LRRC56: variants seen among roughly 807,000 people sequenced by gnomAD.
LRRC56 encodes leucine rich repeat containing 56.
A neutral mutation model predicts 47.8 loss-of-function variants in LRRC56; 41 were observed. The observed-to-expected ratio is 0.86, with a 90% confidence interval of 0.67 to 1.11. LRRC56 has a LOEUF of 1.11. Ranked by LOEUF, LRRC56 falls within the 50% of genes most tolerant of loss-of-function variation. The pLI, the probability that LRRC56 is intolerant of heterozygous loss-of-function variation, is 0.00. For synonymous variants in LRRC56, 387 were observed against 311.2 expected (o/e 1.24, Z -2.56); for missense variants, 759 against 704.2 (o/e 1.08, Z -0.88).
chr11:513,665 A>C, the LRRC56 span, among the ~76,000 whole-genome samples: 1 of 152,048 alleles, frequency 6.6e-6, no homozygotes, highest in Non-Finnish European at 1.5e-5. Flanking sequence ...TTGTGAAAGG[A>C]AGAAGCTCAA....
the LRRC56 span, among the ~76,000 whole-genome samples, chr11:527,500 G>A: frequency 6.6e-6 from 1 of 152,072 alleles, no homozygotes; most frequent in Non-Finnish European, 1.5e-5. Flanking sequence ...AGAGAGTCAT[G>A]CACTTGGCAA....
At chr11:538,179 C>G (rs1417970954) in intron 1 of LRRC56, among the ~76,000 whole-genome samples, 1 of 152,174 alleles carries the variant, frequency 6.6e-6, no homozygotes, top group Non-Finnish European at 1.5e-5. Flanking sequence ...CCTCCAACCC[C>G]TTGCACCCCC....
Position 540,782 on chromosome 11 carries a change from C to G in LRRC56, c.98C>G (p.Pro33Arg), listed in dbSNP as rs773744894. The G allele has an allele frequency of 2.3e-5, 37 of 1,609,058 alleles. No individual in the cohort carries two copies. Among genetic ancestry groups the G allele is most frequent in the Non-Finnish European group, 3.1e-5 (36 of 1,178,508 alleles). ...TGGCAAGGCCTGCACAACCCCTGCC[C>G]ACAGAGCAAGGGCCCTGGCAGTCAG... ...LSWQGLHNPC[P>R]QSKGPGSQRD... Residue 33 changes from proline to arginine, a missense_variant, in exon 4 of 14, where the codon CCA (proline) becomes CGA (arginine). Coordinates refer to ENST00000270115, the MANE Select transcript of LRRC56 (RefSeq NM_198075.4).
In LRRC56 at chr11:551,377, C is replaced by T. The variant is rs1210858652; in HGVS notation, c.796+75C>T. 7.8e-6 allele frequency: 8 copies of T among 1,023,012 alleles called. No individual in the cohort carries two copies. In the African/African-American group the frequency reaches 1.1e-4, roughly 14 times the overall value. The allele number at this position is 1,023,012 out of a possible 1,614,324, so 63.4% of individuals were successfully genotyped here. A position where few individuals can be genotyped will look rare whatever the true frequency, so the allele number is the denominator to read the frequency against. On this transcript the variant is annotated intron_variant, in intron 9 of 13. Transcript: ENST00000270115. ...AGGAAGAGGCCCCCACCCCAGGCTT[C>T]TCAGAAACGGATAGCCACATCTCAT... is the stretch of plus-strand genomic sequence containing the variant.
chr11:508,150 C>T, the LRRC56 span, among the ~76,000 whole-genome samples: 7 of 152,232 alleles, frequency 4.6e-5, no homozygotes, highest in Non-Finnish European at 1.0e-4. Context: ...TGCTAAACCT[C>T]TCCTCTGACT....
chr11:527,764 G>A, the LRRC56 span, among the ~76,000 whole-genome samples: 12 of 142,536 alleles, frequency 8.4e-5, no homozygotes, highest in Admixed American at 7.2e-4. Flanking sequence ...GCAATTCCGC[G>A]ATCTCGGCTC....
Position 541,470 on chromosome 11 carries a change from A to G in LRRC56, c.178-67A>G. The stretch of plus-strand genomic sequence containing the variant: ...GCGGGAGCCCCAGAGTCCTGTAGCC[A>G]GAAGCAAGGATGGAACTAAAGTGGG... On this transcript the variant is annotated intron_variant, in intron 4 of 13. Transcript: ENST00000270115. This position sits in a 1 kb window ranked among gnomAD's most constrained non-coding sequence, Gnocchi z 4.1. 2 of 944,422 alleles carry G rather than the reference A, an allele frequency of 2.1e-6. No individual in the cohort carries two copies. Among genetic ancestry groups the G allele is most frequent in the Non-Finnish European group, 3.1e-6 (2 of 641,504 alleles). 58.5% of individuals were successfully genotyped at this position (944,422 alleles called of 1,614,324 possible). A position where few individuals can be genotyped will look rare whatever the true frequency, so the allele number is the denominator to read the frequency against.
Position 549,993 on chromosome 11 carries a change from C to T in LRRC56, c.418C>T (p.Leu140Phe). The stretch of plus-strand genomic sequence containing the variant: ...GGATGGCATCGCCTCTTTGCCAGCA[C>T]TTAAGGTGAGTCTGGGCACCCTGGG... ...DLDGIASLPA[L>F]KELYASYNNI... The change falls in exon 7 of 14, where the codon CTT becomes TTT. Residue 140 changes from leucine (L) to phenylalanine (F), a missense_variant. Leu to Phe is a conservative substitution (Grantham distance 22). Coordinates refer to ENST00000270115, the MANE Select transcript of LRRC56 (RefSeq NM_198075.4). 6.2e-7 allele frequency: 1 copy of T among 1,612,440 alleles called. No individual in the cohort carries two copies. The highest frequency in any genetic ancestry group is 8.5e-7 in the Non-Finnish European group (1 of 1,179,690).
chr11:524,581 A>T, the LRRC56 span, among the ~76,000 whole-genome samples: 1 of 152,104 alleles, frequency 6.6e-6, no homozygotes, highest in Non-Finnish European at 1.5e-5. Context: ...TAGTAAGCCG[A>T]GATTGCACCA....
chr11:524,492 A>T, the LRRC56 span, among the ~76,000 whole-genome samples: 11 of 152,044 alleles, frequency 7.2e-5, no homozygotes, highest in Admixed American at 1.3e-4. Flanking sequence ...TTAGTCAGGC[A>T]TGGTCGCAGG....
chr11:513,209 G>A, the LRRC56 span, among the ~76,000 whole-genome samples: 1 of 152,210 alleles, frequency 6.6e-6, no homozygotes, highest in East Asian at 1.9e-4. Flanking sequence ...AGGCTGGAGC[G>A]CAGTGGCGCA....
In LRRC56 at chr11:554,590, C is replaced by T; in HGVS notation, c.*314C>T. 1 of 410,670 alleles carries T rather than the reference C, an allele frequency of 2.4e-6. No individual in the cohort carries two copies. Among genetic ancestry groups the T allele is most frequent in the Non-Finnish European group, 4.3e-6 (1 of 231,148 alleles). The allele number at this position is 410,670 out of a possible 1,614,324, so 25.4% of individuals were successfully genotyped here. A position where few individuals can be genotyped will look rare whatever the true frequency, so the allele number is the denominator to read the frequency against. The stretch of plus-strand genomic sequence containing the variant: ...GTCACCCGAGCAGGCCTGTGAGAGG[C>T]CTCTCCTGCTAGAATTGGGCATGGC... On this transcript the variant is annotated 3_prime_UTR_variant, in exon 14 of 14. Coordinates refer to ENST00000270115, the MANE Select transcript of LRRC56 (RefSeq NM_198075.4).
the LRRC56 span, chr11:507,215 C>G: frequency 6.6e-6 from 1 of 152,188 alleles, no homozygotes; most frequent in African/African-American, 2.4e-5. Context: ...GACAACCCCA[C>G]CCGCCAGTCA....
At chr11:548,489 G>A (rs1271240461) in intron 6 of LRRC56, among the ~76,000 whole-genome samples, 2 of 148,836 alleles carry the variant, frequency 1.3e-5, no homozygotes, top group East Asian at 2.0e-4. Flanking sequence ...ACGGAGGCTC[G>A]CTCTGTCGTC....
At chr11:532,246 G>A in the LRRC56 span, 5 of 407,800 alleles carry the variant, frequency 1.2e-5, no homozygotes, top group African/African-American at 7.9e-5. Flanking sequence ...CCAAGATCAA[G>A]ACCATCCAAT....
In LRRC56 at chr11:554,394, G is replaced by A. The variant is rs1852640757; in HGVS notation, c.*118G>A. ...GGGGGTGGAAGGAGTGCCTGGCCCT[G>A]GGGAGGACCCTCTTGGTGGAGGGGA... is the stretch of plus-strand genomic sequence containing the variant. On this transcript the variant is annotated 3_prime_UTR_variant, in exon 14 of 14. Coordinates refer to ENST00000270115, the MANE Select transcript of LRRC56 (RefSeq NM_198075.4). 2 of 902,456 alleles carry A rather than the reference G, an allele frequency of 2.2e-6. No individual in the cohort carries two copies. The highest frequency in any genetic ancestry group is 3.2e-5 in the East Asian group (1 of 31,504). The allele number at this position is 902,456 out of a possible 1,614,324, so 55.9% of individuals were successfully genotyped here.
At chr11:507,527 G>T in the LRRC56 span, among the ~76,000 whole-genome samples, 1 of 152,164 alleles carries the variant, frequency 6.6e-6, no homozygotes, top group African/African-American at 2.4e-5. Flanking sequence ...GCACTGGCAC[G>T]CAAGTCTCAG....
intron 12 of LRRC56, 73 bp downstream of exon 12, chr11:552,305 C>T (rs1852443004): frequency 2.6e-6 from 4 of 1,541,732 alleles, no homozygotes; most frequent in Admixed American, 3.6e-5. Flanking sequence ...GCTACCTTGG[C>T]TGAGTCATCC....
chr11:538,353 G>A (rs1398885431), intron 1 of LRRC56, among the ~76,000 whole-genome samples: 1 of 152,204 alleles, frequency 6.6e-6, no homozygotes, highest in Non-Finnish European at 1.5e-5. Flanking sequence ...GCCTGGGATG[G>A]AGGTGGCCAG....
Sources: gnomAD v4.1 joint callset for allele counts (sites outside exome capture counted in the v4.1 genomes callset) on GRCh38, gnomAD v4.1.1 for gene constraint, Gnocchi (gnomAD v3.1) non-coding constraint, MANE v1.5 for transcripts, NCBI Gene and HGNC (gene_info 2026-07-23, HGNC 2026-07-21) for gene names.